CACNA2D1: variants seen among roughly 807,000 people sequenced by gnomAD.
CACNA2D1 encodes the protein calcium voltage-gated channel auxiliary subunit alpha2delta 1.
Under a neutral mutation model 171.5 loss-of-function variants are expected in CACNA2D1, and 53 were observed. The observed-to-expected ratio is 0.31, with a 90% confidence interval of 0.25 to 0.39. CACNA2D1 has a LOEUF of 0.39. CACNA2D1 is among the 10% of genes least tolerant of loss of function. The pLI is 1.00. For missense variants in CACNA2D1, 903 were observed against 1,299.8 expected (o/e 0.69, Z 4.69); for synonymous variants, 442 against 443.1 (o/e 1.00, Z 0.03).
At chr7:81,952,084 T>A (rs1792662842) in intron 38 of CACNA2D1, among the ~76,000 whole-genome samples, 1 of 150,862 alleles carries the variant, frequency 6.6e-6, no homozygotes. Flanking sequence ...TGATAATTAG[T>A]GATGTTGAGC....
At chr7:82,130,541 A>G (rs1240759272) in intron 5 of CACNA2D1, among the ~76,000 whole-genome samples, 2 of 152,030 alleles carry the variant, frequency 1.3e-5, no homozygotes, top group Admixed American at 6.6e-5. Flanking sequence ...TTTGAGACCA[A>G]TGTCTAAACT....
chr7:81,949,211 T>C lies in CACNA2D1; in HGVS notation c.*1181A>G, dbSNP rs1325856157. 6.6e-6 allele frequency: 1 copy of C among 152,060 alleles called. No individual in the cohort carries two copies. Among genetic ancestry groups the C allele is most frequent in the Non-Finnish European group, 1.5e-5 (1 of 67,966 alleles). The allele number at this position is 152,060 out of a possible 1,614,324, so 9.4% of individuals were successfully genotyped here. On this transcript the variant is annotated 3_prime_UTR_variant, in exon 39 of 39. Coordinates refer to ENST00000356860, the MANE Select transcript of CACNA2D1 (RefSeq NM_000722.4). ...CAAAAAATAAATGTGTCAAATCTGA[T>C]TTATGTACTTAAAATATCTGTACAT... is the stretch of plus-strand genomic sequence containing the variant.
At chr7:81,986,536 T>C (rs1225917453) in intron 21 of CACNA2D1, among the ~76,000 whole-genome samples, 1 of 151,966 alleles carries the variant, frequency 6.6e-6, no homozygotes, top group East Asian at 1.9e-4. Context: ...TTCATATGAC[T>C]ATAAATATTA....
chr7:82,233,060 C>T (rs923760566), intron 3 of CACNA2D1, among the ~76,000 whole-genome samples: 8 of 151,738 alleles, frequency 5.3e-5, no homozygotes, highest in Admixed American at 3.9e-4. Flanking sequence ...TTTCTTATAA[C>T]GGGGAAGTAA....
intron 3 of CACNA2D1, among the ~76,000 whole-genome samples, chr7:82,194,623 A>G (rs189725900): frequency 1.6e-4 from 24 of 152,060 alleles, no homozygotes; most frequent in Admixed American, 3.3e-4. Context: ...TCATGTTTTC[A>G]TTTGACATTT....
At chr7:82,251,450 C>A (rs1283931308) in intron 3 of CACNA2D1, among the ~76,000 whole-genome samples, 2 of 152,102 alleles carry the variant, frequency 1.3e-5, no homozygotes, top group Non-Finnish European at 2.9e-5. Flanking sequence ...TTGTGCATTT[C>A]ATTGTACATT....
intron 12 of CACNA2D1, chr7:82,023,852 A>T (rs929698154): frequency 1.4e-4 from 21 of 151,640 alleles, no homozygotes; most frequent in African/African-American, 5.1e-4. Context: ...GGCAACCACT[A>T]TTTCACTCTT....
chr7:82,030,856 A>G (rs907467914), intron 12 of CACNA2D1, among the ~76,000 whole-genome samples: 2 of 151,898 alleles, frequency 1.3e-5, no homozygotes, highest in African/African-American at 4.8e-5. Flanking sequence ...AATAGAATTG[A>G]ATTTTGTGTT....
At chr7:82,217,640 A>T (rs1416448810) in intron 3 of CACNA2D1, among the ~76,000 whole-genome samples, 1 of 150,056 alleles carries the variant, frequency 6.7e-6, no homozygotes, top group Non-Finnish European at 1.5e-5. Flanking sequence ...AGTTTCACAC[A>T]CACACACACA....
chr7:82,184,924 C>T (rs1797506863), intron 3 of CACNA2D1, among the ~76,000 whole-genome samples: 2 of 152,136 alleles, frequency 1.3e-5, no homozygotes, highest in Non-Finnish European at 2.9e-5. Context: ...AGTACATACT[C>T]CCATTAGTTC....
chr7:82,306,007 T>C (rs1370517254), intron 3 of CACNA2D1, among the ~76,000 whole-genome samples: 1 of 152,226 alleles, frequency 6.6e-6, no homozygotes, highest in Non-Finnish European at 1.5e-5. Context: ...TTAAGATTAA[T>C]GAGAGAAAAG....
chr7:82,203,546 T>C (rs1333071542), intron 3 of CACNA2D1, among the ~76,000 whole-genome samples: 3 of 152,190 alleles, frequency 2.0e-5, no homozygotes, highest in Non-Finnish European at 2.9e-5. Context: ...AGAATTATGA[T>C]GGTGCGGCTG....
chr7:82,076,789 C>CT lies in CACNA2D1; in HGVS notation c.658+7979dup, dbSNP rs3839802. ...GCGACATATTCTACCATTAATAAAC[C>CT]TTTTGATTCAATATTACTTTTTCTA... is the stretch of plus-strand genomic sequence containing the variant. On this transcript the variant is annotated intron_variant, in intron 7 of 38. Transcript: ENST00000356860. Among the ~76,000 whole-genome samples the CT allele has an allele frequency of 1.6e-3, 237 of 152,204 alleles. 3 individuals are homozygous for CT. In the East Asian group the frequency reaches 0.043, roughly 28 times the overall value.
At chr7:82,046,316 C>T (rs1804551776) in intron 10 of CACNA2D1, among the ~76,000 whole-genome samples, 1 of 152,180 alleles carries the variant, frequency 6.6e-6, no homozygotes, top group South Asian at 2.1e-4. Context: ...GTCACCCTCT[C>T]ACAGTCAGAG....
chr7:82,366,903 C>T (rs1242353087), intron 1 of CACNA2D1, among the ~76,000 whole-genome samples: 3 of 86,968 alleles, frequency 3.4e-5, no homozygotes, highest in Non-Finnish European at 6.9e-5. Flanking sequence ...TGGTTTTGAC[C>T]TTTTTTTTTT....
intron 10 of CACNA2D1, among the ~76,000 whole-genome samples, chr7:82,049,868 C>G (rs1388941193): frequency 6.6e-6 from 1 of 152,170 alleles, no homozygotes; most frequent in South Asian, 2.1e-4. Flanking sequence ...AAATTATTCT[C>G]TTAGATTTGT....
chr7:82,241,800 A>T (rs1479723851), intron 3 of CACNA2D1, among the ~76,000 whole-genome samples: 1 of 152,164 alleles, frequency 6.6e-6, no homozygotes, highest in African/African-American at 2.4e-5. Context: ...TATCAACAGT[A>T]TTAATTTAAT....
chr7:82,291,327 GAT>G lies in CACNA2D1; in HGVS notation c.294+43806_294+43807del, dbSNP rs540538690. The stretch of plus-strand genomic sequence containing the variant: ...TAATATATAAATATACATCTATTTA[GAT>G]ATATAGATATCTTTATACATCTATT... On this transcript the variant is annotated intron_variant, in intron 3 of 38. Transcript: ENST00000356860. 2.8e-4 allele frequency among the ~76,000 whole-genome samples: 36 copies of G among 127,938 alleles called. No individual in the cohort carries two copies. The Admixed American group carries it at 2.9e-3, about 10-fold the overall frequency. 83.9% of individuals were successfully genotyped at this position (127,938 alleles called of 152,430 possible).
intron 1 of CACNA2D1, among the ~76,000 whole-genome samples, chr7:82,404,847 T>C (rs537734420): frequency 6.6e-6 from 1 of 152,178 alleles, no homozygotes; most frequent in South Asian, 2.1e-4. Context: ...CCCATTAGAG[T>C]ACTAAGAATT....
Sources: allele counts gnomAD v4.1 joint callset (sites outside exome capture counted in the v4.1 genomes callset), GRCh38; gene constraint gnomAD v4.1.1; transcripts MANE v1.5; gene names NCBI Gene and HGNC (gene_info 2026-07-23, HGNC 2026-07-21).